Variants in DPH6 observed in about 807,000 individuals in gnomAD.
DPH6 encodes the protein diphthamine biosynthesis 6.
Under a neutral mutation model 38.2 loss-of-function variants are expected in DPH6, and 33 were observed. That is an observed-to-expected ratio of 0.86 (90% CI 0.65 to 1.15). The LOEUF (loss-of-function observed/expected upper bound fraction) is 1.15, where lower values mean the gene tolerates loss of function less well. Ranked by LOEUF, DPH6 falls within the 50% of genes most tolerant of loss-of-function variation. The probability of loss-of-function intolerance (pLI) is 0.00; values close to 1 mark genes in which losing one functional copy is unlikely to be tolerated. For missense variants in DPH6, 325 were observed against 320.0 expected (o/e 1.02, Z -0.12); for synonymous variants, 108 against 103.0 (o/e 1.05, Z -0.30).
intron 3 of DPH6, among the ~76,000 whole-genome samples, chr15:35,280,106 A>G (rs374909579): frequency 3.7e-4 from 57 of 152,172 alleles, no homozygotes; most frequent in African/African-American, 1.3e-3. Flanking sequence ...CTGTCCTTTG[A>G]GTCACCCAGT....
At chr15:35,326,578 T>C (rs1425998902), downstream of DPH6, among the ~76,000 whole-genome samples, 1 of 152,154 alleles carries the variant, frequency 6.6e-6, no homozygotes, top group East Asian at 1.9e-4. Flanking sequence ...ACTACAGACA[T>C]GCACCACCGT....
chr15:35,258,466 G>C (rs57693497), intron 3 of DPH6, among the ~76,000 whole-genome samples: 5,418 of 152,180 alleles, frequency 0.036, 381 homozygotes, highest in East Asian at 0.34. Flanking sequence ...TTTAGAGTTG[G>C]AAAGGATATT....
intron 3 of DPH6, among the ~76,000 whole-genome samples, chr15:35,322,781 A>G (rs2052251324): frequency 1.3e-5 from 2 of 152,040 alleles, no homozygotes; most frequent in Admixed American, 1.3e-4. Context: ...ATTCTCCTCT[A>G]TATCTCTTAA....
chr15:35,446,907 C>T (rs540700260), intron 5 of DPH6, among the ~76,000 whole-genome samples: 1 of 150,126 alleles, frequency 6.7e-6, no homozygotes, highest in Admixed American at 6.6e-5. Flanking sequence ...CTTGCTCTGT[C>T]GCCCAGGCTG....
chr15:35,264,449 C>A (rs529557818), intron 3 of DPH6, among the ~76,000 whole-genome samples: 43 of 152,232 alleles, frequency 2.8e-4, no homozygotes, highest in African/African-American at 1.0e-3. Flanking sequence ...ATCCCATAGC[C>A]CTGCATAAAG....
At chr15:35,454,695 A>C in intron 4 of DPH6, 52 bp downstream of exon 4, 1 of 1,432,944 alleles carries the variant, frequency 7.0e-7, no homozygotes, top group Non-Finnish European at 9.7e-7. Context: ...TCACTTATTC[A>C]CATTCTTAAA....
downstream of DPH6, among the ~76,000 whole-genome samples, chr15:35,367,307 C>A (rs914586215): frequency 3.3e-5 from 5 of 151,900 alleles, no homozygotes; most frequent in African/African-American, 1.2e-4. Context: ...TCTATAAATA[C>A]AATTGCTTTG....
intron 3 of DPH6, among the ~76,000 whole-genome samples, chr15:35,288,005 G>A (rs893416650): frequency 6.6e-6 from 1 of 152,118 alleles, no homozygotes; most frequent in African/African-American, 2.4e-5. Flanking sequence ...ACCTGACACT[G>A]GACCTTTCAT....
At chr15:35,219,715 T>G (rs933842552) in exon 4 of DPH6, 13 of 152,202 alleles carry the variant, frequency 8.5e-5, no homozygotes, top group Non-Finnish European at 1.8e-4. Flanking sequence ...ACAAGTACAT[T>G]GACAAAGTCC....
intron 3 of DPH6, among the ~76,000 whole-genome samples, chr15:35,248,689 GTCTT>G (rs2051651830): frequency 6.6e-6 from 1 of 152,166 alleles, no homozygotes; most frequent in Admixed American, 6.5e-5. Context: ...TTGTCAGTCT[GTCTT>G]TATTGTAGGG....
chr15:35,538,294 CAT>C lies in DPH6; in HGVS notation c.290_291del (p.Tyr97Ter). 6.4e-7 allele frequency: 1 copy of C among 1,574,378 alleles called. No individual in the cohort carries two copies. The highest frequency in any genetic ancestry group is 1.3e-5 in the African/African-American group (1 of 74,534). ...CATACCTTAACAAGTTTCAAAAGCT[CAT>C]AGAGATCTTCAACCTCATCACCTTC... is the stretch of plus-strand genomic sequence containing the variant. Reference protein sequence around the residue: ...KCEGDEVEDLYELLKLVKEKE... With the variant: ...KCEGDEVEDLXELLKLVKEKE... On this transcript the variant is annotated frameshift_variant, in exon 3 of 9. Transcript: ENST00000256538. LOFTEE classifies it high-confidence loss of function.
chr15:35,356,081 T>C (rs1309623955), intron 3 of DPH6, among the ~76,000 whole-genome samples: 5 of 152,194 alleles, frequency 3.3e-5, no homozygotes, highest in Non-Finnish European at 7.4e-5. Flanking sequence ...CGAATCGGTA[T>C]TGAAGCTTGT....
chr15:35,298,438 T>C, intron 3 of DPH6: 1 of 750,556 alleles, frequency 1.3e-6, no homozygotes, highest in Non-Finnish European at 2.5e-6. Flanking sequence ...ACAACACACT[T>C]TCCCCAACTT....
chr15:35,528,454 T>C (rs1314106784), intron 3 of DPH6, among the ~76,000 whole-genome samples: 1 of 152,208 alleles, frequency 6.6e-6, no homozygotes, highest in Non-Finnish European at 1.5e-5. Context: ...CAAGGTACCT[T>C]ATATAGACTT....
chr15:35,260,015 T>C (rs2051735615), intron 3 of DPH6, among the ~76,000 whole-genome samples: 1 of 152,176 alleles, frequency 6.6e-6, no homozygotes, highest in East Asian at 1.9e-4. Context: ...TTAACCCCAA[T>C]AATCTTTGGG....
At chr15:35,178,314 C>CA in the DPH6 span, among the ~76,000 whole-genome samples, 1 of 152,174 alleles carries the variant, frequency 6.6e-6, no homozygotes, top group Non-Finnish European at 1.5e-5. Flanking sequence ...AATTGACTCA[C>CA]AGTTCCACAT....
the DPH6 span, among the ~76,000 whole-genome samples, chr15:35,150,855 C>T: frequency 4.2e-4 from 64 of 152,156 alleles, no homozygotes; most frequent in South Asian, 1.7e-3. Context: ...TTCGAATTTC[C>T]GTTAATAATC....
intron 3 of DPH6, among the ~76,000 whole-genome samples, chr15:35,525,310 T>C (rs2054982955): frequency 6.6e-6 from 1 of 152,280 alleles, no homozygotes; most frequent in African/African-American, 2.4e-5. Flanking sequence ...AAGCCTATTG[T>C]CCCATCCCTG....
At chr15:35,374,336 A>G (rs932160546) in intron 7 of DPH6, among the ~76,000 whole-genome samples, 2 of 152,134 alleles carry the variant, frequency 1.3e-5, no homozygotes, top group African/African-American at 2.4e-5. Flanking sequence ...GAAATTCCTC[A>G]TATCACTTTA....
Sources: allele counts gnomAD v4.1 joint callset (sites outside exome capture counted in the v4.1 genomes callset), GRCh38; gene constraint gnomAD v4.1.1; transcripts MANE v1.5; gene names NCBI Gene and HGNC (gene_info 2026-07-23, HGNC 2026-07-21).